Variants in GRIP1 observed in about 807,000 individuals in gnomAD.
GRIP1 encodes glutamate receptor interacting protein 1.
GRIP1 carries 45 observed loss-of-function variants against 129.9 expected under a neutral mutation model. The observed-to-expected ratio is 0.35, with a 90% CI of 0.27 to 0.44. GRIP1 has a LOEUF of 0.44. Among genes scored for constraint, GRIP1 ranks in the 20% least tolerant of loss-of-function variants. The pLI, the probability that GRIP1 is intolerant of heterozygous loss-of-function variation, is 1.00. For missense variants in GRIP1, 1,196 were observed against 1,396.8 expected, an observed-to-expected ratio of 0.86 and a Z score of 2.29; for synonymous variants, 530 against 520.8, an observed-to-expected ratio of 1.02 and a Z score of -0.24.
intron 1 of GRIP1, among the ~76,000 whole-genome samples, chr12:66,827,896 A>G (rs1192636600): frequency 6.6e-6 from 1 of 152,210 alleles, no homozygotes; most frequent in Non-Finnish European, 1.5e-5. Context: ...CCACTACCGA[A>G]TAAGTGTGTC....
At chr12:66,840,718 T>C (rs562491837) in intron 1 of GRIP1, among the ~76,000 whole-genome samples, 12 of 152,174 alleles carry the variant, frequency 7.9e-5, no homozygotes, top group Non-Finnish European at 1.8e-4. Context: ...CCAAGCTTGA[T>C]AGAACAAGAG....
At chr12:66,491,309 G>A (rs1056010033) in intron 7 of GRIP1, among the ~76,000 whole-genome samples, 1 of 152,152 alleles carries the variant, frequency 6.6e-6, no homozygotes, top group African/African-American at 2.4e-5. Flanking sequence ...CATGTTCTTT[G>A]CAGGGACATG....
At chr12:66,628,125 GC>G (rs1035781620) in intron 1 of GRIP1, among the ~76,000 whole-genome samples, 1 of 152,142 alleles carries the variant, frequency 6.6e-6, no homozygotes, top group Non-Finnish European at 1.5e-5. Flanking sequence ...TAGCCACCTG[GC>G]ACCTGCCCAT....
At chr12:66,780,823 C>T (rs1566018756) in intron 1 of GRIP1, among the ~76,000 whole-genome samples, 1 of 152,190 alleles carries the variant, frequency 6.6e-6, no homozygotes, top group Non-Finnish European at 1.5e-5. Context: ...ACCCAGCTGT[C>T]ATACTGTGAG....
intron 1 of GRIP1, among the ~76,000 whole-genome samples, chr12:67,044,960 A>G (rs1437291907): frequency 1.3e-5 from 2 of 152,214 alleles, no homozygotes; most frequent in Non-Finnish European, 2.9e-5. Context: ...ACTAATCTCC[A>G]TTTTACACAT....
intron 1 of GRIP1, among the ~76,000 whole-genome samples, chr12:66,790,313 A>G (rs1007952832): frequency 2.0e-5 from 3 of 152,180 alleles, no homozygotes; most frequent in East Asian, 1.9e-4. Flanking sequence ...AATCATGAAT[A>G]TAAGTACTAT....
chr12:66,937,584 T>A lies in GRIP1; in HGVS notation c.58+131466A>T, dbSNP rs547172121. On this transcript the variant is annotated intron_variant, in intron 1 of 1. Transcript: ENST00000643019. ...TGATTCCCCCCAAATTCAAAAAAAATTGGAGAAAGGGTGTGAGAATAGATG... is the reference window on the plus strand; with the variant it reads ...TGATTCCCCCCAAATTCAAAAAAAAATGGAGAAAGGGTGTGAGAATAGATG... 2.6e-3 allele frequency among the ~76,000 whole-genome samples: 396 copies of A among 152,054 alleles called. 2 individuals carry two copies. Among genetic ancestry groups the A allele is most frequent in the Non-Finnish European group, 4.2e-3 (285 of 68,000 alleles).
intron 1 of GRIP1, among the ~76,000 whole-genome samples, chr12:66,970,515 C>G (rs2042058472): frequency 6.7e-6 from 1 of 148,286 alleles, no homozygotes; most frequent in East Asian, 2.0e-4. Flanking sequence ...ATGTGGTTGT[C>G]AGAGGTTTCA....
intron 1 of GRIP1, among the ~76,000 whole-genome samples, chr12:66,853,616 T>A (rs2095634981): frequency 1.3e-5 from 2 of 152,016 alleles, no homozygotes; most frequent in Non-Finnish European, 2.9e-5. Context: ...AACACCACGT[T>A]TATAAAGATA....
chr12:66,735,842 G>C (rs2036578424), intron 1 of GRIP1, among the ~76,000 whole-genome samples: 1 of 152,102 alleles, frequency 6.6e-6, no homozygotes, highest in Non-Finnish European at 1.5e-5. Context: ...TTTTCAGCCT[G>C]ACTCTATCCC....
At chr12:66,976,256 T>C (rs917659204) in intron 1 of GRIP1, among the ~76,000 whole-genome samples, 1 of 152,180 alleles carries the variant, frequency 6.6e-6, no homozygotes, top group Non-Finnish European at 1.5e-5. Flanking sequence ...ATTTGATAGG[T>C]GAAATTTTAA....
At chr12:66,920,759 G>C (rs1336716573) in intron 1 of GRIP1, among the ~76,000 whole-genome samples, 1 of 152,188 alleles carries the variant, frequency 6.6e-6, no homozygotes, top group African/African-American at 2.4e-5. Flanking sequence ...CGGCTTACCA[G>C]TGTCCATGAG....
intron 12 of GRIP1, 62 bp from the exon 13 acceptor site, chr12:66,444,791 C>T: frequency 1.3e-6 from 2 of 1,548,774 alleles, no homozygotes; most frequent in Admixed American, 1.7e-5. Flanking sequence ...GCTGAGCTTG[C>T]CAAATCTACC....
intron 1 of GRIP1, among the ~76,000 whole-genome samples, chr12:66,655,802 G>A (rs1467869487): frequency 3.3e-5 from 5 of 151,904 alleles, no homozygotes; most frequent in Non-Finnish European, 7.4e-5. Context: ...TAGTAGAGAC[G>A]GGGTTTCACC....
intron 4 of GRIP1, among the ~76,000 whole-genome samples, chr12:66,534,168 T>C (rs2061543023): frequency 6.6e-6 from 1 of 152,226 alleles, no homozygotes; most frequent in Admixed American, 6.5e-5. Context: ...TCTTGGAGAA[T>C]AGACCCCTTT....
chr12:66,884,578 A>C (rs2040533828), intron 1 of GRIP1, among the ~76,000 whole-genome samples: 1 of 152,218 alleles, frequency 6.6e-6, no homozygotes, highest in Non-Finnish European at 1.5e-5. Context: ...AACAATAATG[A>C]AATGTAGAAG....
At chr12:66,735,250 T>C (rs1010264810) in intron 1 of GRIP1, among the ~76,000 whole-genome samples, 6 of 152,172 alleles carry the variant, frequency 3.9e-5, no homozygotes, top group African/African-American at 1.4e-4. Context: ...CATGGTTCTA[T>C]GAAAGGATGA....
At chr12:66,785,347 T>TACATACATAC (rs1566021122) in intron 1 of GRIP1, among the ~76,000 whole-genome samples, 1 of 62,134 alleles carries the variant, frequency 1.6e-5, no homozygotes, top group Non-Finnish European at 3.7e-5. Context: ...TACATACATA[T>TACATACATAC]ATATATATAT....
chr12:66,349,833 T>TA lies in GRIP1; in HGVS notation c.3160-588dup, dbSNP rs556407646. On this transcript the variant is annotated intron_variant, in intron 24 of 24. Coordinates refer to ENST00000359742, the MANE Select transcript of GRIP1 (RefSeq NM_001366722.1). ...CCTGTCTCTACTAAGAAAATTTTTTTAAAAAAATGAGCTTATCCCCTCTTC... is the reference window on the plus strand; with the variant it reads ...CCTGTCTCTACTAAGAAAATTTTTTTAAAAAAAATGAGCTTATCCCCTCTTC... Among the ~76,000 whole-genome samples, 103 of 152,118 alleles carry TA rather than the reference T, an allele frequency of 6.8e-4. 1 individual carries two copies. The highest frequency in any genetic ancestry group is 2.3e-3 in the African/African-American group (96 of 41,504).
Sources: allele counts gnomAD v4.1 joint callset (sites outside exome capture counted in the v4.1 genomes callset), GRCh38; gene constraint gnomAD v4.1.1; transcripts MANE v1.5; gene names NCBI Gene and HGNC (gene_info 2026-07-23, HGNC 2026-07-21).